CTTNBP2: variants seen among roughly 807,000 people sequenced by gnomAD.
CTTNBP2 encodes cortactin-binding protein 2.
A neutral mutation model predicts 156.9 loss-of-function variants in CTTNBP2; 108 were observed. That is an observed-to-expected ratio of 0.69 (90% CI 0.59 to 0.81). CTTNBP2 has a LOEUF of 0.81. Ranked by LOEUF, CTTNBP2 falls within the 30% of genes least tolerant of loss-of-function variation. The pLI, the probability that CTTNBP2 is intolerant of heterozygous loss-of-function variation, is 0.00. For synonymous variants in CTTNBP2, 767 were observed against 751.8 expected, an observed-to-expected ratio of 1.02 and a Z score of -0.33; for missense variants, 1,924 against 2,035.4, an observed-to-expected ratio of 0.95 and a Z score of 1.05.
intron 2 of CTTNBP2, among the ~76,000 whole-genome samples, chr7:117,849,219 T>C (rs1004217667): frequency 6.6e-6 from 1 of 152,222 alleles, no homozygotes; most frequent in Non-Finnish European, 1.5e-5. Flanking sequence ...GCAAACCCGA[T>C]GTGATGTTAC....
Position 117,867,540 on chromosome 7 carries a change from GC to G in CTTNBP2, c.81+5794del, listed in dbSNP as rs558016756. ...TTATTTTATCCAACATGCTCCCCCT[GC>G]CCCCACCCCACCATATACACTTTGG... On this transcript the variant is annotated intron_variant, in intron 1 of 22. Transcript: ENST00000160373. Among the ~76,000 whole-genome samples the G allele has an allele frequency of 3.1e-4, 47 of 151,528 alleles. 1 individual carries two copies. Among genetic ancestry groups the G allele is most frequent in the Middle Eastern group, 6.8e-3 (2 of 294 alleles).
intron 14 of CTTNBP2, among the ~76,000 whole-genome samples, chr7:117,741,410 C>A (rs1387282585): frequency 3.9e-5 from 6 of 152,178 alleles, no homozygotes; most frequent in Non-Finnish European, 8.8e-5. Flanking sequence ...TTGATACTTA[C>A]AAGTTACTAA....
Position 117,873,351 on chromosome 7 carries a change from GC to G in CTTNBP2, c.64del (p.Ala22ProfsTer26). On this transcript the variant is annotated frameshift_variant, in exon 1 of 23. Coordinates refer to ENST00000160373, the MANE Select transcript of CTTNBP2 (RefSeq NM_033427.3). LOFTEE classifies it high-confidence loss of function. Reference sequence around the variant, plus strand: ...CTCGGTTACCGCCGCCTCCGCCGCGGCCCCCGCCGCGTCCTCCGGGGCCCGG... The same window carrying G: ...CTCGGTTACCGCCGCCTCCGCCGCGGCCCCGCCGCGTCCTCCGGGGCCCGG... ...LSRAPEDAAGAAAEAAKKEFD... is the reference protein window; with the variant it reads ...LSRAPEDAAGXAAEAAKKEFD... The G allele has an allele frequency of 6.9e-7, 1 of 1,455,112 alleles. No individual in the cohort carries two copies. 90.1% of individuals were successfully genotyped at this position (1,455,112 alleles called of 1,614,324 possible).
rs536949284 is a variant in CTTNBP2, at chr7:117,822,333, C to A, written c.190-11344G>T. 3.9e-5 allele frequency among the ~76,000 whole-genome samples: 6 copies of A among 152,092 alleles called. No homozygotes were observed. The South Asian group carries it at 1.2e-3, about 32-fold the overall frequency. ...TGTTGATCTTTTCAATGAATCAACT[C>A]TTTATTATTATTTTTCCTATTGTAT... On this transcript the variant is annotated intron_variant, in intron 2 of 22. Transcript: ENST00000160373.
chr7:117,722,141 C>T (rs1042890668), intron 19 of CTTNBP2, among the ~76,000 whole-genome samples: 6 of 152,176 alleles, frequency 3.9e-5, no homozygotes, highest in Admixed American at 3.9e-4. Context: ...GCCCTAAAAG[C>T]CTGGGATCTG....
chr7:117,748,400 G>A (rs1373567221), intron 12 of CTTNBP2, among the ~76,000 whole-genome samples: 2 of 151,906 alleles, frequency 1.3e-5, no homozygotes, highest in Non-Finnish European at 2.9e-5. Flanking sequence ...CAATTTTTTG[G>A]TAATTTCTCC....
rs1319157563 is a variant in CTTNBP2, at chr7:117,792,532, C to T, written c.664G>A (p.Glu222Lys). ...TGTTTTTCCATCTGAGCTTCCATTT[C>T]TGTGCTTCTTCGTTTCTCAGCGGAG... ...ELSAEKRRST[E>K]MEAQMEKQLS... Residue 222 changes from glutamate (E) to lysine (K), a missense_variant, in exon 4 of 23, where the codon GAA becomes AAA. Glu to Lys is a moderately conservative substitution (Grantham distance 56). Transcript: ENST00000160373. This position sits in a 1 kb window ranked among gnomAD's most constrained non-coding sequence, Gnocchi z 4.2. The T allele has an allele frequency of 6.2e-7, 1 of 1,614,174 alleles. No homozygotes were observed. The highest frequency in any genetic ancestry group is 1.7e-5 in the Admixed American group (1 of 60,012).
intron 2 of CTTNBP2, among the ~76,000 whole-genome samples, chr7:117,852,062 C>T (rs1035723063): frequency 4.6e-5 from 7 of 152,060 alleles, no homozygotes; most frequent in South Asian, 2.1e-4. Context: ...ATGACACATC[C>T]GCATTTTAAT....
At chr7:117,770,245 G>C (rs73473695) in intron 8 of CTTNBP2, among the ~76,000 whole-genome samples, 1,834 of 152,258 alleles carry the variant, frequency 0.012, 33 homozygotes, top group African/African-American at 0.042. Flanking sequence ...CCTGAACTGA[G>C]AGTCTTTTAT....
At chr7:117,873,156 C>A (rs1417552524) in intron 1 of CTTNBP2, among the ~76,000 whole-genome samples, 179 bp downstream of exon 1, 2 of 152,120 alleles carry the variant, frequency 1.3e-5, no homozygotes, top group Admixed American at 1.3e-4. Flanking sequence ...GCTCCGCTCC[C>A]CCCCGCGGCC....
intron 14 of CTTNBP2, among the ~76,000 whole-genome samples, chr7:117,739,428 C>A (rs1192378427): frequency 6.6e-6 from 1 of 152,172 alleles, no homozygotes; most frequent in Non-Finnish European, 1.5e-5. Flanking sequence ...TTTCTAAAAC[C>A]AGTCTGCTCT....
intron 2 of CTTNBP2, among the ~76,000 whole-genome samples, chr7:117,836,424 C>T (rs999012890): frequency 2.6e-5 from 4 of 151,976 alleles, no homozygotes; most frequent in African/African-American, 7.3e-5. Context: ...ATTAGCCAGG[C>T]GTGGTGGTGG....
At chr7:117,833,758 T>C (rs1289709371) in intron 2 of CTTNBP2, among the ~76,000 whole-genome samples, 1 of 152,242 alleles carries the variant, frequency 6.6e-6, no homozygotes, top group African/African-American at 2.4e-5. Flanking sequence ...TACTCATGTT[T>C]ATTGTGAGCA....
chr7:117,781,727 A>G (rs927768986), intron 6 of CTTNBP2, among the ~76,000 whole-genome samples: 2 of 152,094 alleles, frequency 1.3e-5, no homozygotes, highest in African/African-American at 4.8e-5. Context: ...ACAGAGCAAG[A>G]CTCCGTCTAA....
chr7:117,851,904 A>G (rs999758345), intron 2 of CTTNBP2, among the ~76,000 whole-genome samples: 3 of 152,198 alleles, frequency 2.0e-5, no homozygotes, highest in Non-Finnish European at 4.4e-5. Flanking sequence ...CCAGGCACTC[A>G]CGGAAAGAGA....
chr7:117,715,711 T>G (rs968962004), intron 22 of CTTNBP2: 1 of 152,234 alleles, frequency 6.6e-6, no homozygotes, highest in Non-Finnish European at 1.5e-5. Context: ...AGGAGTTATA[T>G]TGTTGCAAAT....
intron 17 of CTTNBP2, among the ~76,000 whole-genome samples, 171 bp downstream of exon 17, chr7:117,727,918 A>C (rs878993525): frequency 1.3e-5 from 2 of 152,206 alleles, no homozygotes; most frequent in South Asian, 4.1e-4. Flanking sequence ...TGCCCTAGGA[A>C]GCACACAGTA....
intron 12 of CTTNBP2, chr7:117,755,681 T>C (rs1796845418): frequency 2.5e-6 from 1 of 393,586 alleles, no homozygotes; most frequent in Non-Finnish European, 5.0e-6. Flanking sequence ...ATTTAATGAA[T>C]GCAAAGCATT....
intron 14 of CTTNBP2, among the ~76,000 whole-genome samples, chr7:117,738,767 G>T (rs1198766223): frequency 1.3e-5 from 2 of 152,158 alleles, no homozygotes; most frequent in Non-Finnish European, 2.9e-5. Flanking sequence ...GGTGGGGCAT[G>T]AGGGTGAGGG....
Sources: gnomAD v4.1 joint callset for allele counts (sites outside exome capture counted in the v4.1 genomes callset) on GRCh38, gnomAD v4.1.1 for gene constraint, Gnocchi (gnomAD v3.1) non-coding constraint, MANE v1.5 for transcripts, NCBI Gene and HGNC (gene_info 2026-07-23, HGNC 2026-07-21) for gene names.